The following SNTG1 variants were observed in gnomAD, a reference collection of about 807,000 sequenced individuals.
SNTG1 encodes the protein gamma-1-syntrophin.
A neutral mutation model predicts 74.7 loss-of-function variants in SNTG1; 39 were observed. The ratio of observed to expected loss-of-function variants is 0.52; its 90% CI spans 0.40 to 0.68. The LOEUF is 0.68. Among genes scored for constraint, SNTG1 ranks in the 30% least tolerant of loss-of-function variants. The pLI is 0.00. For synonymous variants in SNTG1, 254 were observed against 217.1 expected, an observed-to-expected ratio of 1.17 and a Z score of -1.49; for missense variants, 685 against 609.5, an observed-to-expected ratio of 1.12 and a Z score of -1.30.
chr8:49,925,811 A>G (rs1490008356), intron 1 of SNTG1, among the ~76,000 whole-genome samples: 3 of 152,104 alleles, frequency 2.0e-5, no homozygotes, highest in South Asian at 2.1e-4. Flanking sequence ...AGCTTTTCCA[A>G]TCTGTTTGCT....
At chr8:50,590,714 G>A (rs1037239134) in intron 12 of SNTG1, among the ~76,000 whole-genome samples, 165 bp from the exon 13 acceptor site, 5 of 151,920 alleles carry the variant, frequency 3.3e-5, no homozygotes, top group Non-Finnish European at 7.4e-5. Flanking sequence ...ATTTTAAAAA[G>A]AAAAAATCTG....
intron 4 of SNTG1, among the ~76,000 whole-genome samples, chr8:50,412,017 C>T (rs1166947677): frequency 1.3e-5 from 2 of 152,166 alleles, no homozygotes; most frequent in Non-Finnish European, 2.9e-5. Context: ...TTTGAAGGCT[C>T]CTCCAAACGT....
At chr8:49,997,126 C>T (rs1297398913) in intron 1 of SNTG1, among the ~76,000 whole-genome samples, 1 of 152,106 alleles carries the variant, frequency 6.6e-6, no homozygotes, top group African/African-American at 2.4e-5. Flanking sequence ...AACTCTGTGA[C>T]TCCACGAAGC....
At chr8:50,076,005 T>C (rs1353490886) in intron 1 of SNTG1, among the ~76,000 whole-genome samples, 1 of 152,154 alleles carries the variant, frequency 6.6e-6, no homozygotes, top group Non-Finnish European at 1.5e-5. Flanking sequence ...AAACCACCCC[T>C]TCCAGACACA....
chr8:50,401,620 C>A lies in SNTG1; in HGVS notation c.28-590C>A, dbSNP rs529923088. On this transcript the variant is annotated intron_variant, in intron 3 of 18. Transcript: ENST00000642720. ...GTGTGTGTGTATGTGAGTGCGTGTT[C>A]ATGCAAGTCTGTGCATGTGTGTATG... Among the ~76,000 whole-genome samples the A allele has an allele frequency of 9.1e-3, 1,377 of 151,960 alleles. 27 individuals are homozygous for A. Among genetic ancestry groups the A allele is most frequent in the African/African-American group, 0.031 (1,305 of 41,452 alleles).
intron 2 of SNTG1, among the ~76,000 whole-genome samples, chr8:50,358,476 T>C (rs2091877489): frequency 6.6e-6 from 1 of 152,064 alleles, no homozygotes; most frequent in African/African-American, 2.4e-5. Context: ...TCACATAAAG[T>C]GGGATGGATG....
chr8:49,938,569 T>TTTC (rs1808315402), intron 1 of SNTG1, among the ~76,000 whole-genome samples: 1 of 30,292 alleles, frequency 3.3e-5, no homozygotes, highest in Non-Finnish European at 7.1e-5. Context: ...TTTCTTTTCT[T>TTTC]TTCTTTTCTT....
intron 4 of SNTG1, among the ~76,000 whole-genome samples, chr8:50,412,650 C>G (rs1347247098): frequency 6.6e-6 from 1 of 152,124 alleles, no homozygotes; most frequent in African/African-American, 2.4e-5. Flanking sequence ...GAACTGCTTT[C>G]CAGAGGATGT....
chr8:50,439,355 A>G (rs1204930079), intron 5 of SNTG1, among the ~76,000 whole-genome samples: 1 of 152,106 alleles, frequency 6.6e-6, no homozygotes, highest in African/African-American at 2.4e-5. Flanking sequence ...TTTGACTTAT[A>G]TAGGGTGAAA....
chr8:50,516,156 GT>G (rs1234767629), intron 9 of SNTG1, among the ~76,000 whole-genome samples: 3 of 152,300 alleles, frequency 2.0e-5, no homozygotes, highest in African/African-American at 7.2e-5. Context: ...AGCAAACAGG[GT>G]CTGGAGTGGA....
At chr8:50,233,734 G>A (rs200157525) in intron 2 of SNTG1, among the ~76,000 whole-genome samples, 3 of 150,128 alleles carry the variant, frequency 2.0e-5, no homozygotes, top group Non-Finnish European at 1.5e-5. Flanking sequence ...TTAGAAAATG[G>A]AAAAAAAAAT....
intron 1 of SNTG1, among the ~76,000 whole-genome samples, chr8:50,019,975 A>T (rs1816673704): frequency 6.6e-6 from 1 of 152,144 alleles, no homozygotes; most frequent in Non-Finnish European, 1.5e-5. Flanking sequence ...TTAAGACACT[A>T]AAACAGATGG....
intron 8 of SNTG1, among the ~76,000 whole-genome samples, chr8:50,453,941 CTG>C (rs147724898): frequency 0.08 from 12,129 of 152,190 alleles, 531 homozygotes; most frequent in Middle Eastern, 0.17. Context: ...AGTGGCAAGA[CTG>C]TGTGAAAAAT....
chr8:50,212,476 C>G (rs2084567784), intron 2 of SNTG1, among the ~76,000 whole-genome samples: 1 of 152,138 alleles, frequency 6.6e-6, no homozygotes, highest in African/African-American at 2.4e-5. Context: ...AGGAAACATT[C>G]TCTGAGCACA....
chr8:50,058,270 T>C (rs1453313255), intron 1 of SNTG1, among the ~76,000 whole-genome samples: 1 of 152,180 alleles, frequency 6.6e-6, no homozygotes, highest in Non-Finnish European at 1.5e-5. Flanking sequence ...TTTTCAAATG[T>C]ATATAGATGT....
At chr8:50,785,247 C>A (rs1159932254) in intron 18 of SNTG1, among the ~76,000 whole-genome samples, 3 of 151,378 alleles carry the variant, frequency 2.0e-5, no homozygotes, top group African/African-American at 7.3e-5. Context: ...TAGAAAATCT[C>A]AAATTTAGTT....
chr8:50,501,327 T>G (rs745379306), intron 8 of SNTG1, among the ~76,000 whole-genome samples: 45 of 151,920 alleles, frequency 3.0e-4, no homozygotes, highest in Non-Finnish European at 5.7e-4. Context: ...TTCCTTCTCC[T>G]TCTGTCTTTC....
At chr8:50,290,131 C>T (rs1024064260) in intron 2 of SNTG1, among the ~76,000 whole-genome samples, 8 of 152,152 alleles carry the variant, frequency 5.3e-5, no homozygotes, top group Non-Finnish European at 1.0e-4. Context: ...CTATCCCACA[C>T]AGGGCTGGGG....
intron 1 of SNTG1, among the ~76,000 whole-genome samples, chr8:50,099,242 T>C (rs1322335872): frequency 6.6e-6 from 1 of 152,064 alleles, no homozygotes; most frequent in Non-Finnish European, 1.5e-5. Context: ...CTTTGAGAAT[T>C]TAGATAGTAT....
Sources: allele counts gnomAD v4.1 joint callset (sites outside exome capture counted in the v4.1 genomes callset), GRCh38; gene constraint gnomAD v4.1.1; transcripts MANE v1.5; gene names NCBI Gene and HGNC (gene_info 2026-07-23, HGNC 2026-07-21).